SLC25A26: variants seen among roughly 807,000 people sequenced by gnomAD.
SLC25A26 encodes mitochondrial S-adenosylmethionine carrier protein.
SLC25A26 carries 36 observed loss-of-function variants against 37.8 expected under a neutral mutation model. The ratio of observed to expected loss-of-function variants is 0.95; its 90% CI spans 0.73 to 1.26. The LOEUF (loss-of-function observed/expected upper bound fraction) is 1.26, where lower values mean the gene tolerates loss of function less well. SLC25A26 is among the 50% of genes most tolerant of loss of function. The pLI is 0.00. For synonymous variants in SLC25A26, 129 were observed against 122.5 expected (o/e 1.05, Z -0.35); for missense variants, 390 against 331.1 (o/e 1.18, Z -1.38).
intron 5 of SLC25A26, among the ~76,000 whole-genome samples, chr3:66,279,208 C>G (rs2074255836): frequency 6.6e-6 from 1 of 152,088 alleles, no homozygotes; most frequent in Non-Finnish European, 1.5e-5. Context: ...AACATACTGT[C>G]TTTTGTCCTG....
chr3:66,343,245 T>G (rs2076249242), intron 5 of SLC25A26, among the ~76,000 whole-genome samples: 1 of 152,250 alleles, frequency 6.6e-6, no homozygotes, highest in Non-Finnish European at 1.5e-5. Context: ...GAACACATTT[T>G]CATTATTGTT....
At position 66,367,669 on chromosome 3, in the gene SLC25A26, GAGAT is replaced by G. The variant is rs200009472; in HGVS notation, c.569-1797_569-1794del. 2.4e-3 allele frequency among the ~76,000 whole-genome samples: 347 copies of G among 144,442 alleles called. 2 individuals are homozygous for G. Among genetic ancestry groups the G allele is most frequent in the African/African-American group, 3.3e-3 (116 of 34,712 alleles). 94.8% of individuals were successfully genotyped at this position (144,442 alleles called of 152,430 possible). A position where few individuals can be genotyped will look rare whatever the true frequency, so the allele number is the denominator to read the frequency against. ...TTTTCCTTTTCTTCCTTTCTTGGGG[GAGAT>G]AGATAGATAGACAGACAGACAGACA... On this transcript the variant is annotated intron_variant, in intron 7 of 9. Transcript: ENST00000354883.
Position 66,146,897 on chromosome 3 carries a change from C to T in SLC25A26, c.-354+12913C>T, listed in dbSNP as rs114575687. ...ATGCTTTTGCGGCCTAGTAGCTTAG[C>T]TCCCACTTATAAGTGAGAACATACA... On this transcript the variant is annotated intron_variant, in intron 1 of 10. Transcript: ENST00000676754. 5.9e-3 allele frequency among the ~76,000 whole-genome samples: 900 copies of T among 152,196 alleles called. 9 individuals are homozygous for T. The highest frequency in any genetic ancestry group is 0.021 in the African/African-American group (874 of 41,526).
intron 5 of SLC25A26, among the ~76,000 whole-genome samples, chr3:66,342,751 G>T (rs1332402026): frequency 6.6e-6 from 1 of 152,114 alleles, no homozygotes; most frequent in Non-Finnish European, 1.5e-5. Context: ...ATGCACTCTT[G>T]TATAGAATTA....
At chr3:66,264,373 A>G (rs2073660721) in intron 5 of SLC25A26, among the ~76,000 whole-genome samples, 1 of 152,188 alleles carries the variant, frequency 6.6e-6, no homozygotes, top group South Asian at 2.1e-4. Flanking sequence ...TAAGCCTTCT[A>G]AGACAGGGAC....
At chr3:66,258,368 T>C (rs562437811) in intron 3 of SLC25A26, among the ~76,000 whole-genome samples, 166 of 152,274 alleles carry the variant, frequency 1.1e-3, no homozygotes, top group Non-Finnish European at 4.9e-4. Context: ...GGTAGAAGGA[T>C]AGGAAGAGCC....
At position 66,202,830 on chromosome 3, in the gene SLC25A26, G is replaced by A. The variant is rs2071128258; in HGVS notation, c.-353-17912G>A. The stretch of plus-strand genomic sequence containing the variant: ...AATAACTGGTGGCAAGTGTCTGAGT[G>A]TGAATCCTGAAGTTTGACATCACTC... On this transcript the variant is annotated intron_variant, in intron 1 of 10. Coordinates refer to the SLC25A26 transcript ENST00000676754. 2.0e-5 allele frequency among the ~76,000 whole-genome samples: 3 copies of A among 152,296 alleles called. No individual in the cohort carries two copies. In the South Asian group the frequency reaches 6.2e-4, roughly 32 times the overall value.
chr3:66,250,123 G>A (rs1680394), intron 3 of SLC25A26, among the ~76,000 whole-genome samples: 66,749 of 152,010 alleles, frequency 0.44, 15,676 homozygotes, highest in African/African-American at 0.58. Flanking sequence ...ATAAAAAGCA[G>A]TTTGTTTTCC....
intron 7 of SLC25A26, among the ~76,000 whole-genome samples, chr3:66,365,855 CAG>C (rs1283836270): frequency 1.3e-5 from 2 of 152,154 alleles, no homozygotes; most frequent in Non-Finnish European, 2.9e-5. Flanking sequence ...CCAGACTAAT[CAG>C]GGGCAACGTA....
chr3:66,270,948 T>G (rs1282010247), intron 5 of SLC25A26, among the ~76,000 whole-genome samples: 1 of 152,236 alleles, frequency 6.6e-6, no homozygotes, highest in African/African-American at 2.4e-5. Context: ...TTGAAAATGC[T>G]ACATATTTCC....
chr3:66,150,625 T>G (rs1256968494), intron 1 of SLC25A26, among the ~76,000 whole-genome samples: 1 of 70,596 alleles, frequency 1.4e-5, no homozygotes, highest in African/African-American at 6.3e-5. Flanking sequence ...TATATATATA[T>G]ATATATATAT....
chr3:66,272,354 A>C, intron 5 of SLC25A26, among the ~76,000 whole-genome samples: 1 of 152,266 alleles, frequency 6.6e-6, no homozygotes, highest in Middle Eastern at 3.4e-3. Context: ...TCTGGGGAGG[A>C]AAATATGTAT....
At chr3:66,253,023 GCCC>G (rs33979268) in intron 3 of SLC25A26, among the ~76,000 whole-genome samples, 2,496 of 106,724 alleles carry the variant, frequency 0.023, 146 homozygotes, top group African/African-American at 0.076. Flanking sequence ...GCAAAATAAT[GCCC>G]CCCCCCCCCC....
intron 5 of SLC25A26, among the ~76,000 whole-genome samples, chr3:66,329,170 G>T (rs530773966): frequency 1.1e-3 from 173 of 152,250 alleles, no homozygotes; most frequent in Middle Eastern, 6.8e-3. Context: ...GGCCCTTTCA[G>T]TAAAATAAGA....
chr3:66,239,883 C>T (rs1167556157), intron 2 of SLC25A26, among the ~76,000 whole-genome samples: 1 of 142,974 alleles, frequency 7.0e-6, no homozygotes, highest in African/African-American at 2.6e-5. Context: ...AAATGGCTGG[C>T]AGCCACAGCT....
intron 5 of SLC25A26, among the ~76,000 whole-genome samples, chr3:66,280,419 A>G (rs564483650): frequency 6.6e-6 from 1 of 152,298 alleles, no homozygotes; most frequent in South Asian, 2.1e-4. Flanking sequence ...GTCAATCTGT[A>G]ATGTTCATCT....
Position 66,221,015 on chromosome 3 carries a change from C to T in SLC25A26, c.-80C>T, listed in dbSNP as rs1183515574. On this transcript the variant is annotated 5_prime_UTR_variant, in exon 1 of 10. Coordinates refer to ENST00000354883, the MANE Select transcript of SLC25A26 (RefSeq NM_001379210.1). ...AAGTTCAAGACAGACCCGCCTCAAA[C>T]ATGGCGGCGCCCAGCGCGCGAGGAC... The T allele has an allele frequency of 6.8e-7, 1 of 1,466,058 alleles. No homozygotes were observed. Among genetic ancestry groups the T allele is most frequent in the African/African-American group, 1.4e-5 (1 of 71,450 alleles). The allele number at this position is 1,466,058 out of a possible 1,614,324, so 90.8% of individuals were successfully genotyped here.
In SLC25A26 at chr3:66,272,569, T is replaced by C. The variant is rs2073995250; in HGVS notation, c.453+9190T>C. Reference sequence around the variant, plus strand: ...GTGCATATTATCACGTTTGCGTGATTTTCCTTTATCTAGGTGTTAGTTTAC... The same window carrying C: ...GTGCATATTATCACGTTTGCGTGATCTTCCTTTATCTAGGTGTTAGTTTAC... On this transcript the variant is annotated intron_variant, in intron 5 of 9. Coordinates refer to ENST00000354883, the MANE Select transcript of SLC25A26 (RefSeq NM_001379210.1). Among the ~76,000 whole-genome samples the C allele has an allele frequency of 2.0e-5, 3 of 152,020 alleles. 1 individual carries two copies. In the South Asian group the frequency reaches 6.2e-4, roughly 32 times the overall value.
intron 5 of SLC25A26, among the ~76,000 whole-genome samples, chr3:66,333,733 AGATC>A (rs1170353102): frequency 6.6e-6 from 1 of 151,974 alleles, no homozygotes; most frequent in East Asian, 1.9e-4. Flanking sequence ...AAGGGTCATC[AGATC>A]TCTGTGGGCC....
Sources: gnomAD v4.1 joint callset for allele counts (sites outside exome capture counted in the v4.1 genomes callset) on GRCh38, gnomAD v4.1.1 for gene constraint, MANE v1.5 for transcripts, NCBI Gene and HGNC (gene_info 2026-07-23, HGNC 2026-07-21) for gene names.